Variants in ANKRD17 observed in about 807,000 individuals in gnomAD.
The protein encoded by ANKRD17 is ankyrin repeat domain 17, also known as ankyrin repeat domain-containing protein 17.
In ANKRD17, 19 loss-of-function variants were observed where a neutral mutation model predicts 229.7. The ratio of observed to expected loss-of-function variants is 0.08; its 90% CI spans 0.06 to 0.12. The LOEUF (loss-of-function observed/expected upper bound fraction) is 0.12. Ranked by LOEUF, ANKRD17 falls within the 10% of genes least tolerant of loss-of-function variation. The pLI is 1.00. For synonymous variants in ANKRD17, 1,112 were observed against 1,146.1 expected (o/e 0.97, Z 0.60); for missense variants, 2,176 against 3,176.8 (o/e 0.68, Z 7.57).
At chr4:73,233,947 C>T (rs192591934) in intron 1 of ANKRD17, among the ~76,000 whole-genome samples, 1 of 152,062 alleles carries the variant, frequency 6.6e-6, no homozygotes, top group East Asian at 1.9e-4. Context: ...GGATCTTTTT[C>T]CATTCATTTT....
In ANKRD17 at chr4:73,077,008, C is replaced by T; in HGVS notation, c.7684G>A (p.Ala2562Thr). 1.2e-6 allele frequency: 2 copies of T among 1,613,646 alleles called. No homozygotes were observed. The highest frequency in any genetic ancestry group is 2.2e-5 in the South Asian group (2 of 90,924). The change falls in exon 33 of 34, where the codon GCA (alanine) becomes ACA (threonine). Residue 2562 changes from alanine to threonine, a missense_variant. Ala to Thr is a moderately conservative substitution (Grantham distance 58, BLOSUM62 0). Coordinates refer to ENST00000358602, the MANE Select transcript of ANKRD17 (RefSeq NM_032217.5). ...GGPIFNGPHA[A>T]DPSWNSLIKM... ...ATCAGTGAGTTCCAAGAAGGGTCTG[C>T]AGCATGAGGGCCATTAAATATGGGT...
rs770188691 is a variant in ANKRD17, at chr4:73,120,221, T to G, written c.3966A>C (p.Thr1322=). 1.2e-6 allele frequency: 2 copies of G among 1,614,008 alleles called. No homozygotes were observed. Among genetic ancestry groups the G allele is most frequent in the African/African-American group, 2.7e-5 (2 of 74,908 alleles). The change falls in exon 21 of 34, where the codon ACA becomes ACC. Residue 1322 remains threonine, a synonymous_variant. Transcript: ENST00000358602. ...NAPPVPSSRD[T]ALTIAADKGH... The stretch of plus-strand genomic sequence containing the variant: ...CTTTATCTGCTGCTATGGTTAAAGC[T>G]GTATCTCTTGAGGAGGGAACTGGAG...
chr4:73,134,495 C>T (rs1728633498), intron 16 of ANKRD17, among the ~76,000 whole-genome samples: 1 of 152,068 alleles, frequency 6.6e-6, no homozygotes, highest in Non-Finnish European at 1.5e-5. Context: ...CTCACCTTGC[C>T]CTGAGATTTC....
chr4:73,245,782 C>T (rs989707000), intron 1 of ANKRD17, among the ~76,000 whole-genome samples: 5 of 152,170 alleles, frequency 3.3e-5, no homozygotes, highest in African/African-American at 1.2e-4. Flanking sequence ...TAGCCTAGCA[C>T]AGAGACCAGT....
intron 1 of ANKRD17, among the ~76,000 whole-genome samples, chr4:73,186,213 G>A (rs1055782597): frequency 1.1e-4 from 16 of 151,738 alleles, no homozygotes; most frequent in African/African-American, 3.9e-4. Context: ...TCTTAATGGG[G>A]TAAATTATTC....
intron 2 of ANKRD17, among the ~76,000 whole-genome samples, chr4:73,165,217 T>C (rs756047354): frequency 6.6e-6 from 1 of 152,120 alleles, no homozygotes; most frequent in Non-Finnish European, 1.5e-5. Flanking sequence ...AGGTATGAGA[T>C]GTACCAGATA....
intron 2 of ANKRD17, among the ~76,000 whole-genome samples, chr4:73,165,862 T>C (rs1277850824): frequency 6.6e-6 from 1 of 152,058 alleles, no homozygotes; most frequent in African/African-American, 2.4e-5. Context: ...ATAAAAAAAA[T>C]CAGGATCTTG....
intron 24 of ANKRD17, among the ~76,000 whole-genome samples, chr4:73,104,846 G>A (rs1724422525): frequency 6.6e-6 from 1 of 152,130 alleles, no homozygotes; most frequent in South Asian, 2.1e-4. Flanking sequence ...TGTCCTAGAT[G>A]TTGATGGGGG....
chr4:73,225,640 C>A (rs945409379), intron 1 of ANKRD17, among the ~76,000 whole-genome samples: 4 of 151,902 alleles, frequency 2.6e-5, no homozygotes, highest in African/African-American at 9.7e-5. Flanking sequence ...GGGCAGATCA[C>A]CTGAGGTCAG....
At chr4:73,208,398 C>T (rs1482173367) in intron 1 of ANKRD17, among the ~76,000 whole-genome samples, 1 of 152,134 alleles carries the variant, frequency 6.6e-6, no homozygotes, top group Admixed American at 6.5e-5. Flanking sequence ...TCTGACCACA[C>T]ATAATTAAAT....
At chr4:73,142,011 A>C (rs1729675563) in intron 13 of ANKRD17, among the ~76,000 whole-genome samples, 168 bp from the exon 14 acceptor site, 1 of 152,172 alleles carries the variant, frequency 6.6e-6, no homozygotes, top group Non-Finnish European at 1.5e-5. Context: ...TTACCACGAC[A>C]TTTTTTAGTA....
chr4:73,081,358 AAGAG>A (rs371917704), intron 30 of ANKRD17, among the ~76,000 whole-genome samples: 111 of 148,028 alleles, frequency 7.5e-4, no homozygotes, highest in African/African-American at 2.6e-3. Context: ...CAAATCCTCT[AAGAG>A]AGAGAGAGAG....
intron 21 of ANKRD17, among the ~76,000 whole-genome samples, chr4:73,119,613 C>T (rs1276626342): frequency 6.6e-6 from 1 of 152,214 alleles, no homozygotes; most frequent in African/African-American, 2.4e-5. Context: ...ACAGCAGTTA[C>T]TGCCAAATAC....
rs181169659 is a variant in ANKRD17, at chr4:73,124,903, G to A, written c.3492+10C>T. On this transcript the variant is annotated intron_variant, in intron 18 of 33. Transcript: ENST00000358602. ...GAAAGGAAAACAATTACACTAAGGGGAAACATTACCTCCTGTCTTCCCCCA... is the reference window on the plus strand; with the variant it reads ...GAAAGGAAAACAATTACACTAAGGGAAAACATTACCTCCTGTCTTCCCCCA... The A allele has an allele frequency of 6.2e-7, 1 of 1,613,120 alleles. No homozygotes were observed. The highest frequency in any genetic ancestry group is 1.3e-5 in the African/African-American group (1 of 74,984).
intron 1 of ANKRD17, among the ~76,000 whole-genome samples, chr4:73,179,516 A>T (rs868405111): frequency 0.013 from 727 of 57,038 alleles, 13 homozygotes; most frequent in African/African-American, 0.032. Context: ...ATATATATAT[A>T]TATTTTTTTT....
In ANKRD17 at chr4:73,132,453, A is replaced by G. The variant is rs79018183; in HGVS notation, c.3234+2664T>C. Among the ~76,000 whole-genome samples the G allele has an allele frequency of 4.3e-3, 657 of 152,268 alleles. 41 individuals carry two copies. The East Asian group carries it at 0.11, about 27-fold the overall frequency. On this transcript the variant is annotated intron_variant, in intron 16 of 33. Transcript: ENST00000358602. ...AACAAACATCAAAAATTAAAGGAGA[A>G]AAATGGTGAACAATTATTTTTGAAC... is the stretch of plus-strand genomic sequence containing the variant.
chr4:73,098,523 GT>G lies in ANKRD17; in HGVS notation c.4574-4del. ...TTCTGTCAAGACTTCAGGCTCATCT[GT>G]AAAAGTAGCAATACTGAATTAGCAA... On this transcript the variant is annotated splice_region_variant and splice_polypyrimidine_tract_variant and intron_variant, in intron 25 of 33. Transcript: ENST00000358602. 6.2e-7 allele frequency: 1 copy of G among 1,607,072 alleles called. No homozygotes were observed. Among genetic ancestry groups the G allele is most frequent in the Non-Finnish European group, 8.5e-7 (1 of 1,177,708 alleles).
intron 1 of ANKRD17, among the ~76,000 whole-genome samples, chr4:73,199,782 T>C (rs1263208914): frequency 6.6e-6 from 1 of 152,226 alleles, no homozygotes; most frequent in Non-Finnish European, 1.5e-5. Flanking sequence ...TCTGTCTTTT[T>C]GTTGTAGTTT....
chr4:73,250,046 G>A (rs1475348988), intron 1 of ANKRD17, among the ~76,000 whole-genome samples: 4 of 152,098 alleles, frequency 2.6e-5, no homozygotes, highest in Admixed American at 2.6e-4. Context: ...ATTTTGTGCA[G>A]ATGTAGCATA....
Sources: allele counts gnomAD v4.1 joint callset (sites outside exome capture counted in the v4.1 genomes callset), GRCh38; gene constraint gnomAD v4.1.1; transcripts MANE v1.5; gene names NCBI Gene and HGNC (gene_info 2026-07-23, HGNC 2026-07-21).